WDPCP: variants seen among roughly 807,000 people sequenced by gnomAD.
The protein encoded by WDPCP is WD repeat-containing and planar cell polarity effector protein fritz homolog.
In WDPCP, 71 loss-of-function variants were observed where a neutral mutation model predicts 93.1. The ratio of observed to expected loss-of-function variants is 0.76; its 90% CI spans 0.63 to 0.93. WDPCP has a LOEUF of 0.93. Ranked by LOEUF, WDPCP falls within the 40% of genes least tolerant of loss-of-function variation. WDPCP has a pLI of 0.00. For missense variants in WDPCP, 844 were observed against 887.4 expected (o/e 0.95, Z 0.62); for synonymous variants, 315 against 315.0 (o/e 1.00, Z 0.00).
At chr2:63,330,082 T>G (rs1157426764) in intron 12 of WDPCP, among the ~76,000 whole-genome samples, 2 of 152,224 alleles carry the variant, frequency 1.3e-5, no homozygotes, top group East Asian at 3.8e-4. Flanking sequence ...GATACTGATT[T>G]CATTTCCTTT....
At chr2:63,211,516 A>T (rs998042761) in intron 14 of WDPCP, among the ~76,000 whole-genome samples, 1 of 152,250 alleles carries the variant, frequency 6.6e-6, no homozygotes, top group African/African-American at 2.4e-5. Flanking sequence ...GGGAGAAACC[A>T]GAGCAGAAAA....
intron 2 of WDPCP, among the ~76,000 whole-genome samples, chr2:63,696,658 G>A (rs376676516): frequency 2.0e-5 from 3 of 152,338 alleles, no homozygotes; most frequent in South Asian, 4.1e-4. Flanking sequence ...ACGTGGCTGA[G>A]ACACCCATGG....
chr2:63,371,683 C>T (rs956067069), intron 12 of WDPCP, among the ~76,000 whole-genome samples: 12 of 151,860 alleles, frequency 7.9e-5, no homozygotes, highest in Admixed American at 4.6e-4. Flanking sequence ...AACAAGCCTC[C>T]ACTCCTCCAA....
chr2:63,310,415 GT>G (rs763373687), intron 13 of WDPCP, among the ~76,000 whole-genome samples: 10 of 152,016 alleles, frequency 6.6e-5, no homozygotes, highest in Admixed American at 2.6e-4. Context: ...TCTCGTTTCA[GT>G]TTATTTTCTA....
chr2:63,803,356 A>C (rs1289606502), intron 2 of WDPCP, among the ~76,000 whole-genome samples: 1 of 152,228 alleles, frequency 6.6e-6, no homozygotes, highest in Non-Finnish European at 1.5e-5. Context: ...TGGAATACCC[A>C]CTAAAACTGG....
intron 2 of WDPCP, among the ~76,000 whole-genome samples, chr2:63,667,051 G>A (rs1710292699): frequency 6.6e-6 from 1 of 152,138 alleles, no homozygotes; most frequent in African/African-American, 2.4e-5. Context: ...TTAAAGTGGT[G>A]GTCCTCTATC....
At chr2:63,574,594 T>C (rs952819713) in intron 1 of WDPCP, among the ~76,000 whole-genome samples, 2 of 152,128 alleles carry the variant, frequency 1.3e-5, no homozygotes, top group East Asian at 1.9e-4. Context: ...TGGGTAGACA[T>C]GAATAACTTA....
intron 2 of WDPCP, among the ~76,000 whole-genome samples, chr2:63,787,492 A>C (rs1575773055): frequency 1.3e-5 from 2 of 152,302 alleles, no homozygotes; most frequent in East Asian, 3.9e-4. Context: ...TTTTGACTTA[A>C]AAAAATTTAA....
At chr2:63,553,915 A>G (rs1162819949) in intron 1 of WDPCP, among the ~76,000 whole-genome samples, 1 of 152,200 alleles carries the variant, frequency 6.6e-6, no homozygotes, top group African/African-American at 2.4e-5. Context: ...TTGCAGACAC[A>G]ATGCTCCATT....
intron 12 of WDPCP, among the ~76,000 whole-genome samples, chr2:63,323,111 C>G (rs1021823133): frequency 2.0e-5 from 3 of 152,230 alleles, no homozygotes; most frequent in African/African-American, 7.2e-5. Context: ...GTCCCAACAA[C>G]AAGTTGGTTG....
intron 9 of WDPCP, among the ~76,000 whole-genome samples, chr2:63,407,661 TTTCTTGGATTCC>T (rs1694692873): frequency 6.6e-6 from 1 of 152,210 alleles, no homozygotes; most frequent in Non-Finnish European, 1.5e-5. Flanking sequence ...AGTATCCTCA[TTTCTTGGATTCC>T]TTCTAGCTTC....
intron 3 of WDPCP, among the ~76,000 whole-genome samples, chr2:63,607,863 G>C (rs1382252253): frequency 1.3e-5 from 2 of 151,028 alleles, no homozygotes; most frequent in Non-Finnish European, 3.0e-5. Context: ...AAACAAACTC[G>C]AATGTTTCCC....
intron 17 of WDPCP, among the ~76,000 whole-genome samples, chr2:63,136,644 A>T (rs1670640159): frequency 1.3e-5 from 2 of 152,054 alleles, no homozygotes; most frequent in African/African-American, 4.8e-5. Flanking sequence ...TTATTTCATC[A>T]TCCAGGTATT....
chr2:63,312,155 T>C (rs1686235027), intron 13 of WDPCP, among the ~76,000 whole-genome samples: 1 of 152,180 alleles, frequency 6.6e-6, no homozygotes, highest in South Asian at 2.1e-4. Flanking sequence ...CAATAGAATG[T>C]TCACACTTTT....
intron 15 of WDPCP, among the ~76,000 whole-genome samples, chr2:63,158,830 T>C (rs1221103170): frequency 1.3e-5 from 2 of 151,950 alleles, no homozygotes; most frequent in East Asian, 1.9e-4. Context: ...ATCAAACCTA[T>C]CAATGAGTTA....
At chr2:63,463,819 CATA>C (rs1699183525) in intron 6 of WDPCP, among the ~76,000 whole-genome samples, 1 of 152,072 alleles carries the variant, frequency 6.6e-6, no homozygotes, top group East Asian at 1.9e-4. Flanking sequence ...CCTTACCTTA[CATA>C]ATATACAAAA....
intron 2 of WDPCP, among the ~76,000 whole-genome samples, chr2:63,690,110 A>G (rs1259428409): frequency 6.6e-6 from 1 of 152,222 alleles, no homozygotes; most frequent in Non-Finnish European, 1.5e-5. Context: ...GGACCCATGC[A>G]CAAAGGACAG....
chr2:63,325,820 G>A (rs887928836), intron 12 of WDPCP, among the ~76,000 whole-genome samples: 2 of 152,182 alleles, frequency 1.3e-5, no homozygotes, highest in African/African-American at 4.8e-5. Context: ...CTGGGCAGTG[G>A]AAGGAACAAA....
chr2:63,577,881 TA>T (rs1708222182), intron 1 of WDPCP, among the ~76,000 whole-genome samples: 1 of 152,232 alleles, frequency 6.6e-6, no homozygotes, highest in African/African-American at 2.4e-5. Flanking sequence ...AACAATTAGT[TA>T]TTAATATTTC....
Sources: gnomAD v4.1 joint callset for allele counts (sites outside exome capture counted in the v4.1 genomes callset) on GRCh38, gnomAD v4.1.1 for gene constraint, MANE v1.5 for transcripts, NCBI Gene and HGNC (gene_info 2026-07-23, HGNC 2026-07-21) for gene names.